The following TBXAS1 variants were observed in gnomAD, a reference collection of about 807,000 sequenced individuals.
TBXAS1 encodes thromboxane-A synthase.
A neutral mutation model predicts 60.7 loss-of-function variants in TBXAS1; 48 were observed. The observed-to-expected ratio is 0.79, with a 90% CI of 0.63 to 1.01. TBXAS1 has a LOEUF of 1.01. Ranked by LOEUF, TBXAS1 falls within the 50% of genes least tolerant of loss-of-function variation. TBXAS1 has a pLI of 0.00. For missense variants in TBXAS1, 685 were observed against 686.3 expected (o/e 1.00, Z 0.02); for synonymous variants, 287 against 269.7 (o/e 1.06, Z -0.63).
intron 4 of TBXAS1, among the ~76,000 whole-genome samples, chr7:139,805,708 T>TTTCTC (rs1554466245): frequency 2.8e-4 from 6 of 21,148 alleles, no homozygotes; most frequent in Admixed American, 2.7e-3. Flanking sequence ...CTTTCTTTCT[T>TTTCTC]TCTTTCTCTC....
intron 4 of TBXAS1, among the ~76,000 whole-genome samples, chr7:139,799,459 G>A (rs151234061): frequency 6.6e-6 from 1 of 152,236 alleles, no homozygotes; most frequent in African/African-American, 2.4e-5. Flanking sequence ...TTGAACTTCT[G>A]AGCTCAGGCA....
chr7:139,900,596 A>G (rs1386648237), intron 3 of TBXAS1, among the ~76,000 whole-genome samples: 1 of 152,208 alleles, frequency 6.6e-6, no homozygotes. Flanking sequence ...ACCCAACACA[A>G]ACTAACTTTA....
At chr7:140,019,204 G>A (rs371294331) in intron 12 of TBXAS1, among the ~76,000 whole-genome samples, 1 of 152,228 alleles carries the variant, frequency 6.6e-6, no homozygotes, top group East Asian at 1.9e-4. Flanking sequence ...GGGACATAGA[G>A]TCTGAGATAC....
chr7:139,919,824 A>G (rs1294279924), intron 4 of TBXAS1, among the ~76,000 whole-genome samples: 1 of 152,182 alleles, frequency 6.6e-6, no homozygotes, highest in Non-Finnish European at 1.5e-5. Context: ...GTGTTTCCTA[A>G]TTGCTGGAGA....
chr7:139,828,424 T>G (rs1018351917), upstream of TBXAS1, among the ~76,000 whole-genome samples: 9 of 152,218 alleles, frequency 5.9e-5, no homozygotes, highest in Non-Finnish European at 1.3e-4. Context: ...CCTTTCCCAC[T>G]TCCGCAAATG....
At chr7:139,849,614 C>T (rs1350201070) in intron 1 of TBXAS1, among the ~76,000 whole-genome samples, 1 of 151,920 alleles carries the variant, frequency 6.6e-6, no homozygotes, top group African/African-American at 2.4e-5. Context: ...GCCAAATAAG[C>T]AATAGAGGGA....
chr7:139,847,436 T>C (rs1277417076), intron 1 of TBXAS1, among the ~76,000 whole-genome samples: 1 of 152,172 alleles, frequency 6.6e-6, no homozygotes, highest in African/African-American at 2.4e-5. Context: ...CTTACCCACA[T>C]CATTTTCAAT....
chr7:139,903,732 T>C (rs563529451), intron 3 of TBXAS1, among the ~76,000 whole-genome samples: 1 of 152,282 alleles, frequency 6.6e-6, no homozygotes, highest in East Asian at 1.9e-4. Flanking sequence ...ATTTGTTTAT[T>C]GGCCATTTGT....
chr7:139,853,431 A>G (rs1256481445), intron 1 of TBXAS1, among the ~76,000 whole-genome samples: 5 of 152,240 alleles, frequency 3.3e-5, no homozygotes, highest in Middle Eastern at 3.2e-3. Flanking sequence ...ACTCACTAGC[A>G]GTGTGACCTT....
chr7:139,873,813 C>T (rs1305095273), intron 2 of TBXAS1, among the ~76,000 whole-genome samples: 6 of 152,118 alleles, frequency 3.9e-5, no homozygotes, highest in African/African-American at 9.7e-5. Flanking sequence ...GTCACGGGGA[C>T]ACTGACTCCA....
intron 3 of TBXAS1, among the ~76,000 whole-genome samples, chr7:139,905,781 C>T (rs1409017844): frequency 6.6e-6 from 1 of 152,132 alleles, no homozygotes; most frequent in Admixed American, 6.5e-5. Context: ...AATATTGTCT[C>T]CTAGCCTGTA....
chr7:139,884,643 G>A (rs1802941566), intron 3 of TBXAS1, among the ~76,000 whole-genome samples: 1 of 152,188 alleles, frequency 6.6e-6, no homozygotes, highest in Non-Finnish European at 1.5e-5. Context: ...AGCAAACACT[G>A]GCCACAGTGG....
intron 1 of TBXAS1, among the ~76,000 whole-genome samples, chr7:139,832,801 G>A (rs905039317): frequency 5.9e-5 from 9 of 152,308 alleles, no homozygotes; most frequent in African/African-American, 2.2e-4. Context: ...TTGGGGCCCT[G>A]TCTTCCAGCT....
intron 3 of TBXAS1, among the ~76,000 whole-genome samples, chr7:139,783,830 C>T (rs1364911596): frequency 6.6e-6 from 1 of 152,160 alleles, no homozygotes; most frequent in Non-Finnish European, 1.5e-5. Flanking sequence ...TTAGGACTGA[C>T]TCTTTGCTCT....
rs372992063 is a variant in TBXAS1, at chr7:139,853,092, C to T, written c.90-19143C>T. On this transcript the variant is annotated intron_variant, in intron 1 of 12. Transcript: ENST00000448866. ...GGCTCAAACTTTACTGAAGTGAAGA[C>T]CTGGTCTGTGCAGAGGAGATAATGA... 9.9e-5 allele frequency among the ~76,000 whole-genome samples: 15 copies of T among 151,490 alleles called. No individual in the cohort carries two copies. In the East Asian group the frequency reaches 1.8e-3, roughly 18 times the overall value.
intron 1 of TBXAS1, among the ~76,000 whole-genome samples, chr7:139,844,151 G>A (rs1585611136): frequency 1.3e-5 from 2 of 152,246 alleles, no homozygotes; most frequent in Non-Finnish European, 2.9e-5. Flanking sequence ...CTTAGAATAC[G>A]TGGTACATGG....
chr7:139,808,546 T>C (rs1450162672), intron 4 of TBXAS1, among the ~76,000 whole-genome samples: 15 of 152,186 alleles, frequency 9.9e-5, no homozygotes, highest in Non-Finnish European at 4.4e-5. Flanking sequence ...CTGGCAAAAT[T>C]CCTGAACACT....
chr7:139,966,878 C>A (rs1056561268), intron 9 of TBXAS1, among the ~76,000 whole-genome samples: 1 of 152,190 alleles, frequency 6.6e-6, no homozygotes, highest in Non-Finnish European at 1.5e-5. Context: ...ACCCCTCCCC[C>A]ACCCCTGCTG....
chr7:139,969,100 GA>G (rs1811007151), intron 9 of TBXAS1, among the ~76,000 whole-genome samples: 1 of 152,108 alleles, frequency 6.6e-6, no homozygotes, highest in African/African-American at 2.4e-5. Context: ...CAAAATTTAT[GA>G]CCCATTTTCC....
Sources: gnomAD v4.1 joint callset for allele counts (sites outside exome capture counted in the v4.1 genomes callset) on GRCh38, gnomAD v4.1.1 for gene constraint, MANE v1.5 for transcripts, NCBI Gene and HGNC (gene_info 2026-07-23, HGNC 2026-07-21) for gene names.